Variants in PKIB observed in about 807,000 individuals in gnomAD.
PKIB encodes the protein PKI-beta.
A neutral mutation model predicts 4.5 loss-of-function variants in PKIB; 2 were observed. The ratio of observed to expected loss-of-function variants is 0.44; its 90% CI spans 0.18 to 1.39. PKIB has a LOEUF of 1.39. Ranked by LOEUF, PKIB falls within the 40% of genes most tolerant of loss-of-function variation. The pLI, the probability that PKIB is intolerant of heterozygous loss-of-function variation, is 0.27. For synonymous variants in PKIB, 38 were observed against 36.0 expected, an observed-to-expected ratio of 1.06 and a Z score of -0.20; for missense variants, 94 against 92.6, an observed-to-expected ratio of 1.02 and a Z score of -0.06.
At position 122,504,469 on chromosome 6, in the gene PKIB, TG is replaced by T. The variant is rs1776339483; in HGVS notation, c.-248+26531del. ...CATTAGGTGATTAGTGTTCATCTGCTGAGTGCAGTTGCTCAGAAAATGCAAC... is the reference window on the plus strand; with the variant it reads ...CATTAGGTGATTAGTGTTCATCTGCTAGTGCAGTTGCTCAGAAAATGCAAC... On this transcript the variant is annotated intron_variant, in intron 2 of 6. Transcript: ENST00000392491. 2.6e-5 allele frequency among the ~76,000 whole-genome samples: 4 copies of T among 152,318 alleles called. No individual in the cohort carries two copies. The South Asian group carries it at 8.3e-4, about 32-fold the overall frequency.
intron 2 of PKIB, among the ~76,000 whole-genome samples, chr6:122,583,602 C>A (rs1232680014): frequency 6.6e-6 from 1 of 152,088 alleles, no homozygotes; most frequent in Non-Finnish European, 1.5e-5. Flanking sequence ...AAAATCCCCT[C>A]ACACTGAATA....
At chr6:122,474,941 GT>G (rs1382474367) in intron 1 of PKIB, among the ~76,000 whole-genome samples, 1 of 152,198 alleles carries the variant, frequency 6.6e-6, no homozygotes, top group East Asian at 1.9e-4. Flanking sequence ...ATTAACCAAT[GT>G]AATTTCAGAA....
At chr6:122,475,443 C>T (rs1344941038) in intron 1 of PKIB, among the ~76,000 whole-genome samples, 1 of 152,040 alleles carries the variant, frequency 6.6e-6, no homozygotes. Flanking sequence ...AGCTTGATCA[C>T]AGGAGTTAGA....
At chr6:122,688,847 C>A (rs1463783914) in intron 3 of PKIB, among the ~76,000 whole-genome samples, 2 of 149,808 alleles carry the variant, frequency 1.3e-5, no homozygotes, top group African/African-American at 4.9e-5. Flanking sequence ...GTGGCGCGAT[C>A]TCGGCTCACT....
intron 2 of PKIB, among the ~76,000 whole-genome samples, chr6:122,521,359 G>T (rs1455125049): frequency 6.6e-6 from 1 of 152,098 alleles, no homozygotes; most frequent in Non-Finnish European, 1.5e-5. Flanking sequence ...ATTGAGAAAT[G>T]GTTCACTGTT....
intron 2 of PKIB, among the ~76,000 whole-genome samples, chr6:122,524,986 AT>A (rs1160916430): frequency 6.9e-6 from 1 of 145,064 alleles, no homozygotes; most frequent in Non-Finnish European, 1.5e-5. Flanking sequence ...AATTTTTATT[AT>A]TTTTTTCCTT....
intron 3 of PKIB, among the ~76,000 whole-genome samples, chr6:122,709,657 G>A (rs377065811): frequency 1.4e-4 from 21 of 152,054 alleles, no homozygotes; most frequent in African/African-American, 4.8e-4. Context: ...TTTGATAGAT[G>A]ATACTCATTT....
At chr6:122,576,288 A>G (rs904485754) in intron 2 of PKIB, among the ~76,000 whole-genome samples, 5 of 151,804 alleles carry the variant, frequency 3.3e-5, no homozygotes, top group Non-Finnish European at 7.4e-5. Context: ...TCACGAGGTC[A>G]GGAGATCAAG....
intron 4 of PKIB, among the ~76,000 whole-genome samples, chr6:122,724,634 C>A (rs1779879600): frequency 6.6e-6 from 1 of 152,078 alleles, no homozygotes; most frequent in Non-Finnish European, 1.5e-5. Flanking sequence ...GTTGAGGGAA[C>A]TCCTGTCTGA....
chr6:122,652,357 A>C (rs970915298), intron 2 of PKIB, among the ~76,000 whole-genome samples: 1 of 151,020 alleles, frequency 6.6e-6, no homozygotes, highest in Non-Finnish European at 1.5e-5. Flanking sequence ...TTTATTGAAA[A>C]GAATTGATTT....
chr6:122,629,985 A>G (rs1045836323), intron 1 of PKIB, among the ~76,000 whole-genome samples: 26 of 152,202 alleles, frequency 1.7e-4, no homozygotes, highest in African/African-American at 6.3e-4. Context: ...ATAGCATATC[A>G]ATGTTAGTTC....
chr6:122,711,756 C>G (rs1353683187), intron 3 of PKIB, among the ~76,000 whole-genome samples: 1 of 152,058 alleles, frequency 6.6e-6, no homozygotes, highest in Non-Finnish European at 1.5e-5. Context: ...GAAGGGTATT[C>G]AGCTTTGTGC....
intron 2 of PKIB, among the ~76,000 whole-genome samples, chr6:122,565,621 T>C (rs1773167249): frequency 6.6e-6 from 1 of 152,172 alleles, no homozygotes; most frequent in African/African-American, 2.4e-5. Context: ...AGTTTAACTG[T>C]CTACTTTTCT....
chr6:122,701,992 A>G (rs1226749035), intron 3 of PKIB, among the ~76,000 whole-genome samples: 1 of 152,176 alleles, frequency 6.6e-6, no homozygotes, highest in Non-Finnish European at 1.5e-5. Flanking sequence ...TAACCAGAAT[A>G]AGACTTGGAT....
At chr6:122,532,316 CT>C (rs977970484) in intron 2 of PKIB, among the ~76,000 whole-genome samples, 6 of 152,070 alleles carry the variant, frequency 3.9e-5, no homozygotes. Context: ...TTATTTAATA[CT>C]TTATTAAATG....
chr6:122,713,483 C>T (rs1296213530), intron 3 of PKIB, among the ~76,000 whole-genome samples: 1 of 152,098 alleles, frequency 6.6e-6, no homozygotes, highest in Admixed American at 6.6e-5. Context: ...TTATCACAAG[C>T]CATTTGAAGA....
chr6:122,709,793 T>C (rs1779201178), intron 3 of PKIB, among the ~76,000 whole-genome samples: 1 of 152,168 alleles, frequency 6.6e-6, no homozygotes, highest in East Asian at 1.9e-4. Context: ...AAGTTTAAAA[T>C]TTAAAGTGTC....
At chr6:122,542,498 G>A (rs9375146) in intron 2 of PKIB, among the ~76,000 whole-genome samples, 17,218 of 152,060 alleles carry the variant, frequency 0.11, 1,244 homozygotes, top group East Asian at 0.21. Flanking sequence ...CAGAACAGCG[G>A]TGGCTATAGA....
chr6:122,547,816 G>GTGA (rs896852520), intron 2 of PKIB, among the ~76,000 whole-genome samples: 2 of 152,168 alleles, frequency 1.3e-5, no homozygotes, highest in African/African-American at 4.8e-5. Flanking sequence ...TCCGAGCCAG[G>GTGA]TGATGAGCCT....
Sources: gnomAD v4.1 joint callset for allele counts (sites outside exome capture counted in the v4.1 genomes callset) on GRCh38, gnomAD v4.1.1 for gene constraint, MANE v1.5 for transcripts, NCBI Gene and HGNC (gene_info 2026-07-23, HGNC 2026-07-21) for gene names.